The following CLYBL variants were observed in gnomAD, a reference collection of about 807,000 sequenced individuals.
CLYBL encodes citramalyl-CoA lyase, mitochondrial.
In CLYBL, 31 loss-of-function variants were observed where a neutral mutation model predicts 38.9. The ratio of observed to expected loss-of-function variants is 0.80; its 90% CI spans 0.60 to 1.08. The LOEUF (loss-of-function observed/expected upper bound fraction) is 1.08. Ranked by LOEUF, CLYBL falls within the 50% of genes least tolerant of loss-of-function variation. CLYBL has a pLI of 0.00. For missense variants in CLYBL, 434 were observed against 411.6 expected (o/e 1.05, Z -0.47); for synonymous variants, 171 against 158.6 (o/e 1.08, Z -0.59).
intron 1 of CLYBL, among the ~76,000 whole-genome samples, chr13:99,770,076 C>CT (rs68172402): frequency 3.3e-5 from 4 of 121,958 alleles, no homozygotes; most frequent in East Asian, 2.2e-4. Context: ...TTTTTCTTTT[C>CT]TTTCTTTTTT....
intron 2 of CLYBL, among the ~76,000 whole-genome samples, chr13:99,816,204 G>A (rs1375060380): frequency 6.6e-6 from 1 of 152,226 alleles, no homozygotes; most frequent in Non-Finnish European, 1.5e-5. Flanking sequence ...ACAGTCACCA[G>A]AGACCAATAA....
intron 2 of CLYBL, among the ~76,000 whole-genome samples, chr13:99,818,670 T>C (rs2139019848): frequency 6.6e-6 from 1 of 152,354 alleles, no homozygotes; most frequent in South Asian, 2.1e-4. Context: ...GATTTGCTTT[T>C]TACAAAGCTT....
intron 1 of CLYBL, among the ~76,000 whole-genome samples, chr13:99,750,725 C>G (rs1285579109): frequency 1.3e-5 from 1 of 75,860 alleles, no homozygotes; most frequent in African/African-American, 4.9e-5. Flanking sequence ...TAAATAATGC[C>G]CTCTTTTTTT....
intron 2 of CLYBL, among the ~76,000 whole-genome samples, chr13:99,786,954 C>T (rs1054714789): frequency 1.3e-5 from 2 of 151,936 alleles, no homozygotes; most frequent in African/African-American, 4.8e-5. Context: ...TCTCTGATGG[C>T]CAGTGATGAT....
chr13:99,793,661 A>G (rs1047449279), intron 2 of CLYBL, among the ~76,000 whole-genome samples: 1 of 152,174 alleles, frequency 6.6e-6, no homozygotes, highest in Non-Finnish European at 1.5e-5. Context: ...GGATTCAAAT[A>G]TCTCTATTAG....
chr13:99,823,778 A>G (rs964537598), intron 2 of CLYBL, among the ~76,000 whole-genome samples: 3 of 152,226 alleles, frequency 2.0e-5, no homozygotes, highest in Non-Finnish European at 4.4e-5. Context: ...ACAGAGCCGT[A>G]AAGTGTCTTT....
intron 1 of CLYBL, among the ~76,000 whole-genome samples, chr13:99,673,281 CG>C (rs2047594412): frequency 6.6e-6 from 1 of 151,946 alleles, no homozygotes; most frequent in Non-Finnish European, 1.5e-5. Flanking sequence ...GGCATGGTGG[CG>C]CACACCTGTA....
At chr13:99,875,095 C>T (rs1041089754) in intron 7 of CLYBL, among the ~76,000 whole-genome samples, 1 of 152,140 alleles carries the variant, frequency 6.6e-6, no homozygotes, top group African/African-American at 2.4e-5. Flanking sequence ...ATTTCTCCTT[C>T]GTTATAGCTT....
intron 2 of CLYBL, among the ~76,000 whole-genome samples, chr13:99,855,564 G>A (rs1007317022): frequency 1.1e-4 from 16 of 152,242 alleles, no homozygotes; most frequent in Admixed American, 7.9e-4. Flanking sequence ...AGCTGAGAGC[G>A]CTGTTAGCAA....
At chr13:99,788,231 A>G (rs1358683781) in intron 2 of CLYBL, among the ~76,000 whole-genome samples, 2 of 152,184 alleles carry the variant, frequency 1.3e-5, no homozygotes, top group African/African-American at 4.8e-5. Flanking sequence ...AACTTCCAAC[A>G]CTATGTTGAA....
intron 1 of CLYBL, among the ~76,000 whole-genome samples, chr13:99,731,655 G>A (rs752568044): frequency 7.9e-5 from 12 of 152,186 alleles, no homozygotes; most frequent in Non-Finnish European, 7.3e-5. Context: ...AGTAGACAGA[G>A]GCGGAGGGTA....
intron 1 of CLYBL, among the ~76,000 whole-genome samples, chr13:99,713,118 G>A (rs1199660042): frequency 6.6e-6 from 1 of 151,984 alleles, no homozygotes; most frequent in Non-Finnish European, 1.5e-5. Context: ...GTGCCATTTT[G>A]ATTCTTGATC....
intron 1 of CLYBL, among the ~76,000 whole-genome samples, chr13:99,737,943 G>A (rs560283424): frequency 2.2e-4 from 33 of 152,260 alleles, no homozygotes; most frequent in African/African-American, 6.5e-4. Flanking sequence ...AGTACCACAT[G>A]CAGGAAGTCC....
intron 1 of CLYBL, among the ~76,000 whole-genome samples, chr13:99,677,018 A>G (rs1340522277): frequency 1.3e-5 from 2 of 152,098 alleles, no homozygotes; most frequent in African/African-American, 4.8e-5. Context: ...TGAGAGCACA[A>G]ATTGTCCCCT....
chr13:99,657,394 G>T (rs899140062), intron 1 of CLYBL, among the ~76,000 whole-genome samples: 2 of 152,204 alleles, frequency 1.3e-5, no homozygotes, highest in African/African-American at 4.8e-5. Context: ...TGGTTTTGCT[G>T]TGTCAGGCTC....
At chr13:99,753,396 C>T (rs1465622251) in intron 1 of CLYBL, among the ~76,000 whole-genome samples, 2 of 152,002 alleles carry the variant, frequency 1.3e-5, no homozygotes, top group African/African-American at 2.4e-5. Flanking sequence ...AGGAACCAGT[C>T]GGGAGTAAGG....
At chr13:99,639,011 A>C (rs897148293) in intron 1 of CLYBL, among the ~76,000 whole-genome samples, 5 of 152,108 alleles carry the variant, frequency 3.3e-5, no homozygotes, top group Non-Finnish European at 5.9e-5. Flanking sequence ...CTTGTCTCTT[A>C]TGTATGCTTT....
At chr13:99,741,369 A>G (rs939954276) in intron 1 of CLYBL, among the ~76,000 whole-genome samples, 2 of 152,152 alleles carry the variant, frequency 1.3e-5, no homozygotes, top group Non-Finnish European at 2.9e-5. Context: ...GTGTCACCTT[A>G]CCAGGCCACT....
At chr13:99,746,820 T>C (rs1329632803) in intron 1 of CLYBL, among the ~76,000 whole-genome samples, 2 of 152,224 alleles carry the variant, frequency 1.3e-5, no homozygotes, top group Non-Finnish European at 2.9e-5. Flanking sequence ...CAAATCTCTT[T>C]GGGTAGAGTC....
Sources: allele counts gnomAD v4.1 joint callset (sites outside exome capture counted in the v4.1 genomes callset), GRCh38; gene constraint gnomAD v4.1.1; transcripts MANE v1.5; gene names NCBI Gene and HGNC (gene_info 2026-07-23, HGNC 2026-07-21).